The following ZC3H13 variants were observed in gnomAD, a reference collection of about 807,000 sequenced individuals.
ZC3H13 encodes the protein zinc finger CCCH-type containing 13.
A neutral mutation model predicts 204.1 loss-of-function variants in ZC3H13; 64 were observed. That is an observed-to-expected ratio of 0.31 (90% CI 0.26 to 0.39). The LOEUF (loss-of-function observed/expected upper bound fraction) is 0.39. Among genes scored for constraint, ZC3H13 ranks in the 10% least tolerant of loss-of-function variants. The pLI is 1.00. For missense variants in ZC3H13, 1,833 were observed against 2,082.7 expected, an observed-to-expected ratio of 0.88 and a Z score of 2.33; for synonymous variants, 667 against 693.7, an observed-to-expected ratio of 0.96 and a Z score of 0.60.
intron 4 of ZC3H13, among the ~76,000 whole-genome samples, chr13:46,041,307 A>C (rs2043564949): frequency 6.6e-6 from 1 of 152,140 alleles, no homozygotes; most frequent in Non-Finnish European, 1.5e-5. Context: ...AAGGTATGCT[A>C]AGTGAAAAAA....
chr13:45,967,340 T>C (rs1864446851), intron 15 of ZC3H13, among the ~76,000 whole-genome samples, 164 bp downstream of exon 15: 1 of 152,228 alleles, frequency 6.6e-6, no homozygotes, highest in Non-Finnish European at 1.5e-5. Context: ...TATATATCTC[T>C]ATCTTACAGG....
intron 4 of ZC3H13, 43 bp from the exon 5 acceptor site, chr13:46,020,600 A>G (rs770469217): frequency 1.6e-6 from 2 of 1,283,042 alleles, no homozygotes; most frequent in Admixed American, 2.3e-5. Context: ...ATATTTTTAA[A>G]AATTATGAGG....
Position 46,050,924 on chromosome 13 carries a change from C to T in ZC3H13, c.-10+1480G>A, listed in dbSNP as rs750711675. On this transcript the variant is annotated intron_variant, in intron 1 of 18. Transcript: ENST00000679008. ...TACAAAAAAAAAAGAATAAAAGACT[C>T]TTTCTATATCAACAGCAGTTAATGC... Among the ~76,000 whole-genome samples, 24 of 152,098 alleles carry T rather than the reference C, an allele frequency of 1.6e-4. 1 individual carries two copies. The highest frequency in any genetic ancestry group is 1.2e-3 in the Admixed American group (19 of 15,268).
At chr13:46,046,822 A>G (rs1260470791) in intron 1 of ZC3H13, among the ~76,000 whole-genome samples, 1 of 152,232 alleles carries the variant, frequency 6.6e-6, no homozygotes, top group Non-Finnish European at 1.5e-5. Context: ...ATGACATTAG[A>G]AAACAATATT....
rs1258435809 is a variant in ZC3H13 at position 46,010,389 on chromosome 13, C to A, written c.705G>T (p.Arg235Ser). The change falls in exon 7 of 19, where the codon AGG becomes AGT. Residue 235 changes from arginine (R) to serine (S), a missense_variant. Transcript: ENST00000679008. Reference protein sequence around the residue: ...PKSSSASKKDRKTSAVSSPLL... With the variant: ...PKSSSASKKDSKTSAVSSPLL... ...GGGGAGAAGATACTGCAGATGTCTTCCTATCTTTCTTGCTAGCTGAAGACG... is the reference window on the plus strand; with the variant it reads ...GGGGAGAAGATACTGCAGATGTCTTACTATCTTTCTTGCTAGCTGAAGACG... 1.2e-6 allele frequency: 2 copies of A among 1,613,818 alleles called. No homozygotes were observed. The highest frequency in any genetic ancestry group is 1.7e-6 in the Non-Finnish European group (2 of 1,179,768).
chr13:46,040,704 T>C (rs1444189926), intron 4 of ZC3H13, among the ~76,000 whole-genome samples: 1 of 152,148 alleles, frequency 6.6e-6, no homozygotes, highest in Non-Finnish European at 1.5e-5. Context: ...AAGTTACATA[T>C]ACGATAAGGG....
In ZC3H13 at chr13:45,965,323, A is replaced by T; in HGVS notation, c.4431T>A (p.Asp1477Glu). 6.2e-7 allele frequency: 1 copy of T among 1,613,670 alleles called. No individual in the cohort carries two copies. Among genetic ancestry groups the T allele is most frequent in the Non-Finnish European group, 8.5e-7 (1 of 1,179,750 alleles). Residue 1477 changes from aspartate to glutamate, a missense_variant, in exon 16 of 19, where the codon GAT (aspartate) becomes GAA (glutamate). Asp to Glu is a conservative substitution (Grantham distance 45, BLOSUM62 2). Coordinates refer to ENST00000679008, the MANE Select transcript of ZC3H13 (RefSeq NM_001330564.2). ...CCTGTTGGTCCTCCCTCTTTTCTGC[A>T]TCACCTGCCAGAATTTCATCTAGTT... Reference protein sequence around the residue: ...DDELDEILAGDAEKREDQQDE... With the variant: ...DDELDEILAGEAEKREDQQDE...
At position 45,967,943 on chromosome 13, in the gene ZC3H13, A is replaced by G; in HGVS notation, c.3882T>C (p.Asp1294=). ...CTCGTTCTTGAAGCCTGTCTCTGCT[A>G]TCAAATGACCCAGATCTTGAATGGA... ...RQVHSRSGSF[D]SRDRLQERDR... is the part of the protein sequence containing the mutation. Residue 1294 remains aspartate, a synonymous_variant, in exon 15 of 19, where the codon GAT becomes GAC. Transcript: ENST00000679008. 3.1e-6 allele frequency: 5 copies of G among 1,613,854 alleles called. No individual in the cohort carries two copies. The highest frequency in any genetic ancestry group is 4.2e-6 in the Non-Finnish European group (5 of 1,179,900).
Position 45,969,393 on chromosome 13 carries a change from C to T in ZC3H13, c.3151G>A (p.Gly1051Ser), listed in dbSNP as rs1952383655. 1 of 1,614,114 alleles carries T rather than the reference C, an allele frequency of 6.2e-7. No homozygotes were observed. The highest frequency in any genetic ancestry group is 8.5e-7 in the Non-Finnish European group (1 of 1,180,008). ...ELVEMCNGKN[G>S]ILEDSQKKED... is the part of the protein sequence containing the mutation. The stretch of plus-strand genomic sequence containing the variant: ...TTTTTCTGGGAGTCCTCTAGAATAC[C>T]ATTCTTACCATTGCACATTTCAACC... The change falls in exon 14 of 19, where the codon GGT (glycine) becomes AGT (serine). Residue 1051 changes from glycine (G) to serine (S), a missense_variant. Physicochemically the swap from Gly to Ser is moderately conservative, Grantham distance 56. Transcript: ENST00000679008.
At chr13:45,957,752 CAT>C (rs1387859244) in intron 18 of ZC3H13, among the ~76,000 whole-genome samples, 16 of 152,180 alleles carry the variant, frequency 1.1e-4, no homozygotes, top group Non-Finnish European at 2.2e-4. Flanking sequence ...TCCTTCCTCA[CAT>C]AGTTTTTCCT....
Position 45,957,169 on chromosome 13 carries a change from TTTA to T in ZC3H13, c.4965_4967del (p.Asn1655del). ...CCTGTTGGATACTGGACTGTGAAAGTTTATTATCTTCAGTCTTTTCATGTCCTG... is the reference window on the plus strand; with the variant it reads ...CCTGTTGGATACTGGACTGTGAAAGTTTATCTTCAGTCTTTTCATGTCCTG... On this transcript the variant is annotated inframe_deletion, in exon 19 of 19. Coordinates refer to ENST00000679008, the MANE Select transcript of ZC3H13 (RefSeq NM_001330564.2). 1 of 1,547,366 alleles carries T rather than the reference TTTA, an allele frequency of 6.5e-7. No homozygotes were observed. The highest frequency in any genetic ancestry group is 8.7e-7 in the Non-Finnish European group (1 of 1,145,336).
At chr13:45,994,011 C>T (rs2040152161) in intron 8 of ZC3H13, among the ~76,000 whole-genome samples, 1 of 152,208 alleles carries the variant, frequency 6.6e-6, no homozygotes, top group Non-Finnish European at 1.5e-5. Context: ...AACACAGGGT[C>T]CACACTTACG....
At chr13:46,037,583 T>C (rs2043289259) in intron 4 of ZC3H13, among the ~76,000 whole-genome samples, 1 of 152,248 alleles carries the variant, frequency 6.6e-6, no homozygotes, top group South Asian at 2.1e-4. Flanking sequence ...CAATTCCATT[T>C]TAATCTGAAA....
chr13:46,005,966 A>G (rs2138569889), intron 7 of ZC3H13, among the ~76,000 whole-genome samples: 1 of 151,864 alleles, frequency 6.6e-6, no homozygotes, highest in South Asian at 2.1e-4. Flanking sequence ...GTGGTGGCGC[A>G]CGCCTGTAAT....
intron 4 of ZC3H13, among the ~76,000 whole-genome samples, chr13:46,033,915 C>T (rs1410004230): frequency 4.0e-5 from 6 of 151,898 alleles, no homozygotes; most frequent in Non-Finnish European, 7.4e-5. Flanking sequence ...ATTTGCAATA[C>T]ATATATCTCA....
At chr13:46,032,310 G>A (rs1365084262) in intron 4 of ZC3H13, among the ~76,000 whole-genome samples, 3 of 140,336 alleles carry the variant, frequency 2.1e-5, no homozygotes, top group Non-Finnish European at 3.1e-5. Context: ...GATATCTTAA[G>A]TAAAATATTT....
intron 4 of ZC3H13, among the ~76,000 whole-genome samples, chr13:46,031,341 T>G (rs904210933): frequency 1.3e-5 from 2 of 151,968 alleles, no homozygotes; most frequent in Non-Finnish European, 2.9e-5. Flanking sequence ...ATAAAACTCC[T>G]AGAAAGTAAC....
chr13:45,992,388 T>C (rs1328164315), intron 8 of ZC3H13, among the ~76,000 whole-genome samples: 1 of 152,180 alleles, frequency 6.6e-6, no homozygotes, highest in Non-Finnish European at 1.5e-5. Context: ...CGTATATTGC[T>C]ACTATGTGTG....
At chr13:46,043,843 A>G (rs2043757115) in intron 3 of ZC3H13, among the ~76,000 whole-genome samples, 1 of 151,992 alleles carries the variant, frequency 6.6e-6, no homozygotes, top group African/African-American at 2.4e-5. Context: ...ATTCTGAGTC[A>G]GCTAATAAAT....
Sources: allele counts gnomAD v4.1 joint callset (sites outside exome capture counted in the v4.1 genomes callset), GRCh38; gene constraint gnomAD v4.1.1; transcripts MANE v1.5; gene names NCBI Gene and HGNC (gene_info 2026-07-23, HGNC 2026-07-21).